CACNG8: variants seen among roughly 807,000 people sequenced by gnomAD.
CACNG8 encodes voltage-dependent calcium channel gamma-8 subunit.
In CACNG8, 5 loss-of-function variants were observed where a neutral mutation model predicts 26.9. The ratio of observed to expected loss-of-function variants is 0.19; its 90% CI spans 0.10 to 0.39. The LOEUF (loss-of-function observed/expected upper bound fraction) is 0.39, where lower values mean the gene tolerates loss of function less well. CACNG8 is among the 10% of genes least tolerant of loss of function. The pLI is 1.00. For missense variants in CACNG8, 473 were observed against 609.4 expected, an observed-to-expected ratio of 0.78 and a Z score of 2.36; for synonymous variants, 321 against 296.7, an observed-to-expected ratio of 1.08 and a Z score of -0.84.
chr19:53,982,510 C>T lies in CACNG8; in HGVS notation c.939C>T (p.Pro313=). The change falls in exon 4 of 4, where the codon CCC becomes CCT. Residue 313 remains proline, a synonymous_variant. Transcript: ENST00000270458. This position sits in a 1 kb window ranked among gnomAD's most constrained non-coding sequence, Gnocchi z 8.4. ...CCATGTACACGCTCAGCCGCGACCC[C>T]TCCAAGGGCAGCGTGGCCGCGGGGC... 2 of 1,402,354 alleles carry T rather than the reference C, an allele frequency of 1.4e-6. No individual in the cohort carries two copies. The highest frequency in any genetic ancestry group is 9.2e-7 in the Non-Finnish European group (1 of 1,084,076). 86.9% of individuals were successfully genotyped at this position (1,402,354 alleles called of 1,614,324 possible).
rs1400117182 is a variant in CACNG8, at chr19:53,986,781, T to G, written c.*3932T>G. The G allele has an allele frequency of 6.6e-6, 1 of 152,266 alleles. No individual in the cohort carries two copies. Among genetic ancestry groups the G allele is most frequent in the Non-Finnish European group, 1.5e-5 (1 of 68,114 alleles). The allele number at this position is 152,266 out of a possible 1,614,324, so 9.4% of individuals were successfully genotyped here. A position where few individuals can be genotyped will look rare whatever the true frequency, so the allele number is the denominator to read the frequency against. On this transcript the variant is annotated 3_prime_UTR_variant, in exon 4 of 4. Transcript: ENST00000270458. ...TTAGATGAGGTCCTTGGAGTAGACC[T>G]TGTGGCAGAGGTCACAGAGATGTGG...
At chr19:53,973,977 A>G (rs888451746) in intron 1 of CACNG8, among the ~76,000 whole-genome samples, 1 of 152,238 alleles carries the variant, frequency 6.6e-6, no homozygotes, top group Non-Finnish European at 1.5e-5. Flanking sequence ...TGATAATTGT[A>G]GTAAATTATA....
In CACNG8 at chr19:53,982,059, C is replaced by G. The variant is rs775591051; in HGVS notation, c.509-21C>G. 5 of 1,535,290 alleles carry G rather than the reference C, an allele frequency of 3.3e-6. No individual in the cohort carries two copies. The highest frequency in any genetic ancestry group is 4.4e-6 in the Non-Finnish European group (5 of 1,142,790). ...GGGCCGGGGGTGGCCTCGAGGCTCC[C>G]GTCTGACCGTCCCCGCCCAGGCCTG... On this transcript the variant is annotated intron_variant, in intron 3 of 3. Coordinates refer to ENST00000270458, the MANE Select transcript of CACNG8 (RefSeq NM_031895.6). The surrounding 1 kb of genome is among the most constrained non-coding windows in gnomAD (Gnocchi z 8.4).
Position 53,979,897 on chromosome 19 carries a change from T to A in CACNG8, c.398T>A (p.Ile133Asn), listed in dbSNP as rs1211922790. The A allele has an allele frequency of 6.2e-7, 1 of 1,610,234 alleles. No individual in the cohort carries two copies. Among genetic ancestry groups the A allele is most frequent in the South Asian group, 1.1e-5 (1 of 90,738 alleles). Residue 133 changes from isoleucine (I) to asparagine (N), a missense_variant, in exon 3 of 4, where the codon ATC (isoleucine) becomes AAC (asparagine). By Grantham distance (149) the Ile-to-Asn change is moderately radical. This residue lies in a region of CACNG8 where 155 missense variants were observed against 253.0 expected (regional missense o/e 0.61). Coordinates refer to ENST00000270458, the MANE Select transcript of CACNG8 (RefSeq NM_031895.6). ...GTCCGGGCCTCCAGCATCTTCCCCA[T>A]CCTTAGCGCCATCCTGCTGCTGCTC...
chr19:53,969,271 G>A (rs1225191436), intron 1 of CACNG8, among the ~76,000 whole-genome samples: 1 of 152,026 alleles, frequency 6.6e-6, no homozygotes, highest in East Asian at 1.9e-4. Flanking sequence ...CCAAAGTTCT[G>A]GGATTATAGG....
intron 1 of CACNG8, among the ~76,000 whole-genome samples, chr19:53,966,299 G>C (rs1332273562): frequency 6.6e-6 from 1 of 152,046 alleles, no homozygotes; most frequent in East Asian, 1.9e-4. Flanking sequence ...TGTTGGCCAG[G>C]CTGGTCTCGA....
intron 2 of CACNG8, among the ~76,000 whole-genome samples, chr19:53,979,206 T>TG (rs5828562): frequency 0.45 from 30,945 of 69,098 alleles, 4,673 homozygotes; most frequent in Middle Eastern, 0.56. Context: ...AAAAGCGGGG[T>TG]GGGGGGGGAC....
At chr19:53,966,693 C>T (rs1416576581) in intron 1 of CACNG8, among the ~76,000 whole-genome samples, 2 of 152,198 alleles carry the variant, frequency 1.3e-5, no homozygotes, top group South Asian at 2.1e-4. Flanking sequence ...TGCACCCGGC[C>T]TCACGGCTTC....
In CACNG8 at chr19:53,982,867, C is replaced by A; in HGVS notation, c.*18C>A. The A allele has an allele frequency of 7.9e-7, 1 of 1,270,084 alleles. No homozygotes were observed. Among genetic ancestry groups the A allele is most frequent in the Non-Finnish European group, 9.9e-7 (1 of 1,006,990 alleles). The allele number at this position is 1,270,084 out of a possible 1,614,324, so 78.7% of individuals were successfully genotyped here. A position where few individuals can be genotyped will look rare whatever the true frequency, so the allele number is the denominator to read the frequency against. On this transcript the variant is annotated 3_prime_UTR_variant, in exon 4 of 4. Transcript: ENST00000270458. The surrounding 1 kb of genome is among the most constrained non-coding windows in gnomAD (Gnocchi z 8.4). ...CTGTGTAGGGGCGCGGCGGGGGAGC[C>A]GAGGGGCGTGTCCGGGGCGCGTGCG... is the stretch of plus-strand genomic sequence containing the variant.
chr19:53,977,668 C>CG (rs796674311), intron 1 of CACNG8, among the ~76,000 whole-genome samples: 51 of 152,346 alleles, frequency 3.3e-4, no homozygotes, highest in African/African-American at 1.1e-3. Context: ...CCAGACTTCA[C>CG]GGGGTCTCAT....
At chr19:53,973,136 T>C (rs1041988684) in intron 1 of CACNG8, among the ~76,000 whole-genome samples, 5 of 152,234 alleles carry the variant, frequency 3.3e-5, no homozygotes, top group Admixed American at 6.5e-5. Flanking sequence ...CACTAACCTG[T>C]TCAGCAATCC....
At chr19:53,976,169 C>T (rs993635558) in intron 1 of CACNG8, among the ~76,000 whole-genome samples, 2 of 152,160 alleles carry the variant, frequency 1.3e-5, no homozygotes, top group Non-Finnish European at 2.9e-5. Context: ...AAGTGGGCAA[C>T]ATGGGGAAAC....
At chr19:53,965,489 A>G (rs1247228504) in intron 1 of CACNG8, among the ~76,000 whole-genome samples, 8 of 151,706 alleles carry the variant, frequency 5.3e-5, no homozygotes, top group African/African-American at 1.9e-4. Flanking sequence ...AGTACCAGGC[A>G]TAGAGCCAAG....
In CACNG8 at chr19:53,988,455, A is replaced by C. The variant is rs2362382; in HGVS notation, c.*5606A>C. The C allele has an allele frequency of 0.44, 65,990 of 150,984 alleles. 14,496 individuals are homozygous for C. The highest frequency in any genetic ancestry group is 0.55 in the Middle Eastern group (163 of 294). The allele number at this position is 150,984 out of a possible 1,614,324, so 9.4% of individuals were successfully genotyped here. On this transcript the variant is annotated 3_prime_UTR_variant, in exon 4 of 4. Coordinates refer to ENST00000270458, the MANE Select transcript of CACNG8 (RefSeq NM_031895.6). ...TCTCTACTAAAAATACAGAAATTAGACAGGTGCGGTGGTGCACACCTGTAA... is the reference window on the plus strand; with the variant it reads ...TCTCTACTAAAAATACAGAAATTAGCCAGGTGCGGTGGTGCACACCTGTAA...
chr19:53,982,654 G>A lies in CACNG8; in HGVS notation c.1083G>A (p.Gly361=), dbSNP rs959043594. The A allele has an allele frequency of 4.7e-6, 5 of 1,066,340 alleles. No individual in the cohort carries two copies. In the African/African-American group the frequency reaches 6.8e-5, roughly 15 times the overall value. The allele number at this position is 1,066,340 out of a possible 1,614,324, so 66.1% of individuals were successfully genotyped here. Residue 361 remains glycine, a synonymous_variant, in exon 4 of 4, where the codon GGG becomes GGA. Transcript: ENST00000270458. This position sits in a 1 kb window ranked among gnomAD's most constrained non-coding sequence, Gnocchi z 8.4. ...CGGGTGCCGAGCGGGACCGCGGGGG[G>A]GCGTCCGGCTTCCTCACGCTGCACA...
Position 53,982,389 on chromosome 19 carries a change from G to T in CACNG8, c.818G>T (p.Arg273Leu). The T allele has an allele frequency of 6.5e-7, 1 of 1,528,398 alleles. No homozygotes were observed. The highest frequency in any genetic ancestry group is 2.5e-5 in the East Asian group (1 of 39,714). The allele number at this position is 1,528,398 out of a possible 1,614,324, so 94.7% of individuals were successfully genotyped here. ...AGTTACCGCTTCCGCTACCGCCGCC[G>T]CTCCCGCTCTAGCTCCCGCTCCAGC... Residue 273 changes from arginine (R) to leucine (L), a missense_variant, in exon 4 of 4, where the codon CGC (arginine) becomes CTC (leucine). Coordinates refer to ENST00000270458, the MANE Select transcript of CACNG8 (RefSeq NM_031895.6). The surrounding 1 kb of genome is among the most constrained non-coding windows in gnomAD (Gnocchi z 8.4).
In CACNG8 at chr19:53,985,162, C is replaced by T. The variant is rs1481807310; in HGVS notation, c.*2313C>T. ...AGCAAGTGTTTCCTGAGGCCTCCCC[C>T]GAAGCCTTGTGCTGGGCGGTGCTGG... On this transcript the variant is annotated 3_prime_UTR_variant, in exon 4 of 4. Transcript: ENST00000270458. 6.6e-6 allele frequency: 1 copy of T among 152,210 alleles called. No individual in the cohort carries two copies. The highest frequency in any genetic ancestry group is 2.4e-5 in the African/African-American group (1 of 41,402). 9.4% of individuals were successfully genotyped at this position (152,210 alleles called of 1,614,324 possible). A position where few individuals can be genotyped will look rare whatever the true frequency, so the allele number is the denominator to read the frequency against.
chr19:53,976,665 TTCTC>T lies in CACNG8; in HGVS notation c.284-1473_284-1470del, dbSNP rs142602012. Among the ~76,000 whole-genome samples the T allele has an allele frequency of 7.5e-3, 1,140 of 151,536 alleles. 15 individuals carry two copies. Among genetic ancestry groups the T allele is most frequent in the African/African-American group, 0.025 (1,047 of 41,196 alleles). ...CATTCTTCATTCAACCCTCATTTCT[TTCTC>T]TCTCTCTTTTTTTTTTCTTTTGAGA... On this transcript the variant is annotated intron_variant, in intron 1 of 3. Coordinates refer to ENST00000270458, the MANE Select transcript of CACNG8 (RefSeq NM_031895.6).
intron 1 of CACNG8, among the ~76,000 whole-genome samples, chr19:53,977,571 G>T (rs547473367): frequency 5.9e-5 from 9 of 152,198 alleles, no homozygotes; most frequent in East Asian, 5.8e-4. Context: ...TGCAGAAAGA[G>T]ACTGGAACCT....
Sources: allele counts gnomAD v4.1 joint callset (sites outside exome capture counted in the v4.1 genomes callset), GRCh38; gene constraint gnomAD v4.1.1; regional missense constraint gnomAD v4.1.1; non-coding constraint Gnocchi (gnomAD v3.1); transcripts MANE v1.5; gene names NCBI Gene and HGNC (gene_info 2026-07-23, HGNC 2026-07-21).